The following CNTN4 variants were observed in gnomAD, a reference collection of about 807,000 sequenced individuals.
CNTN4 encodes contactin-4.
In CNTN4, 77 loss-of-function variants were observed where a neutral mutation model predicts 122.5. That is an observed-to-expected ratio of 0.63 (90% CI 0.52 to 0.76). The LOEUF is 0.76. CNTN4 is among the 30% of genes least tolerant of loss of function. CNTN4 has a pLI of 0.00. For synonymous variants in CNTN4, 512 were observed against 447.0 expected, an observed-to-expected ratio of 1.15 and a Z score of -1.83; for missense variants, 1,256 against 1,259.1, an observed-to-expected ratio of 1.00 and a Z score of 0.04.
chr3:2,206,130 C>A (rs2149412027), intron 2 of CNTN4, among the ~76,000 whole-genome samples: 1 of 152,114 alleles, frequency 6.6e-6, no homozygotes, highest in East Asian at 1.9e-4. Context: ...TCTTCTATTT[C>A]TTACCAAGTA....
intron 5 of CNTN4, among the ~76,000 whole-genome samples, chr3:2,738,900 A>C (rs2089297185): frequency 6.6e-6 from 1 of 152,164 alleles, no homozygotes; most frequent in Non-Finnish European, 1.5e-5. Flanking sequence ...AAAATATTTA[A>C]CTGTATTAAT....
chr3:2,631,409 C>T (rs566298030), intron 4 of CNTN4, among the ~76,000 whole-genome samples: 2 of 152,138 alleles, frequency 1.3e-5, no homozygotes, highest in South Asian at 4.2e-4. Flanking sequence ...GCAAATTTGA[C>T]ATTAAAAACA....
At chr3:2,127,235 A>G (rs79117668) in intron 2 of CNTN4, among the ~76,000 whole-genome samples, 3,229 of 152,154 alleles carry the variant, frequency 0.021, 125 homozygotes, top group African/African-American at 0.073. Context: ...CACAGCCCCA[A>G]TGTGCTGTGG....
chr3:2,277,730 G>C (rs1458378064), intron 2 of CNTN4, among the ~76,000 whole-genome samples: 1 of 152,016 alleles, frequency 6.6e-6, no homozygotes, highest in Non-Finnish European at 1.5e-5. Context: ...TTGTCCTTTT[G>C]TCACTTGGAA....
chr3:2,607,159 G>A (rs1239384887), intron 4 of CNTN4, among the ~76,000 whole-genome samples: 1 of 152,138 alleles, frequency 6.6e-6, no homozygotes, highest in Non-Finnish European at 1.5e-5. Context: ...AACTATGTCT[G>A]TTTTTGCTAG....
intron 3 of CNTN4, among the ~76,000 whole-genome samples, chr3:2,518,547 C>A (rs555398533): frequency 1.3e-5 from 2 of 152,182 alleles, no homozygotes; most frequent in South Asian, 4.1e-4. Flanking sequence ...TTGAGCATCA[C>A]AGAGTTTTCT....
intron 3 of CNTN4, among the ~76,000 whole-genome samples, chr3:2,451,831 T>C (rs1272157223): frequency 6.6e-6 from 1 of 152,160 alleles, no homozygotes; most frequent in African/African-American, 2.4e-5. Context: ...TGTTCAGCCT[T>C]GTTGAGAGTC....
intron 2 of CNTN4, among the ~76,000 whole-genome samples, chr3:2,206,261 A>G (rs1038201494): frequency 4.6e-5 from 7 of 152,164 alleles, no homozygotes; most frequent in African/African-American, 1.4e-4. Context: ...CTGTCAACTT[A>G]TAAAAGAGCT....
At chr3:2,727,564 C>G (rs1231947077) in intron 4 of CNTN4, among the ~76,000 whole-genome samples, 1 of 152,200 alleles carries the variant, frequency 6.6e-6, no homozygotes, top group East Asian at 1.9e-4. Flanking sequence ...AGCCCCACGG[C>G]TGTTCTTTTC....
intron 3 of CNTN4, among the ~76,000 whole-genome samples, chr3:2,569,132 A>G (rs1576030412): frequency 1.3e-5 from 2 of 152,214 alleles, no homozygotes; most frequent in East Asian, 3.8e-4. Flanking sequence ...CTGCCACATC[A>G]GCAGATCCGA....
At chr3:2,362,743 T>G (rs1559487088) in intron 3 of CNTN4, 1 of 327,856 alleles carries the variant, frequency 3.1e-6, no homozygotes, top group Admixed American at 4.1e-5. Context: ...CCTCCAGCTT[T>G]AACCTCTGAA....
At chr3:2,292,793 T>G (rs551309447) in intron 2 of CNTN4, among the ~76,000 whole-genome samples, 1 of 152,368 alleles carries the variant, frequency 6.6e-6, no homozygotes, top group Non-Finnish European at 1.5e-5. Context: ...TATATCACAA[T>G]TTATTCCATT....
At chr3:2,220,102 T>C (rs2039003047) in intron 2 of CNTN4, among the ~76,000 whole-genome samples, 2 of 152,148 alleles carry the variant, frequency 1.3e-5, no homozygotes, top group African/African-American at 4.8e-5. Context: ...TGGTATACTG[T>C]TCCTCTCTTG....
intron 12 of CNTN4, among the ~76,000 whole-genome samples, chr3:2,904,473 T>G (rs998628328): frequency 3.9e-5 from 6 of 152,224 alleles, no homozygotes; most frequent in Admixed American, 3.3e-4. Context: ...AAGATAACGA[T>G]TGTGAGATTT....
intron 7 of CNTN4, among the ~76,000 whole-genome samples, chr3:2,838,810 A>C (rs62234216): frequency 0.024 from 3,601 of 152,150 alleles, 57 homozygotes; most frequent in South Asian, 0.036. Context: ...CTACTCTATG[A>C]CTTTCTCCAT....
At chr3:2,240,514 A>G (rs2039889042) in intron 2 of CNTN4, among the ~76,000 whole-genome samples, 4 of 152,166 alleles carry the variant, frequency 2.6e-5, no homozygotes, top group Admixed American at 2.6e-4. Flanking sequence ...AGATTTCTCA[A>G]ACTTTGTTTC....
At position 2,310,007 on chromosome 3, in the gene CNTN4, C is replaced by G. The variant is rs540035383; in HGVS notation, c.-144-29171C>G. On this transcript the variant is annotated intron_variant, in intron 2 of 24. Coordinates refer to ENST00000418658, the MANE Select transcript of CNTN4 (RefSeq NM_175607.3). Reference sequence around the variant, plus strand: ...TGGTATGCTGGTGATGTTTATGTCCCTACCTCTTTTTATATCAACTTATTT... The same window carrying G: ...TGGTATGCTGGTGATGTTTATGTCCGTACCTCTTTTTATATCAACTTATTT... 7.2e-5 allele frequency among the ~76,000 whole-genome samples: 11 copies of G among 152,196 alleles called. No individual in the cohort carries two copies. The East Asian group carries it at 2.1e-3, about 29-fold the overall frequency.
At chr3:2,443,249 C>T (rs1477943520) in intron 3 of CNTN4, among the ~76,000 whole-genome samples, 1 of 152,004 alleles carries the variant, frequency 6.6e-6, no homozygotes, top group African/African-American at 2.4e-5. Flanking sequence ...CTTTGACAAA[C>T]CTGTCCTTTC....
chr3:2,729,302 C>A (rs564289553), intron 4 of CNTN4, among the ~76,000 whole-genome samples: 1 of 152,022 alleles, frequency 6.6e-6, no homozygotes, highest in East Asian at 1.9e-4. Flanking sequence ...CGGTGGCTCA[C>A]GCCTGTAATC....
Sources: gnomAD v4.1 joint callset for allele counts (sites outside exome capture counted in the v4.1 genomes callset) on GRCh38, gnomAD v4.1.1 for gene constraint, MANE v1.5 for transcripts, NCBI Gene and HGNC (gene_info 2026-07-23, HGNC 2026-07-21) for gene names.